NBEA: variants seen among roughly 807,000 people sequenced by gnomAD.
The protein encoded by NBEA is lysosomal-trafficking regulator 2.
A neutral mutation model predicts 343.4 loss-of-function variants in NBEA; 44 were observed. The ratio of observed to expected loss-of-function variants is 0.13; its 90% CI spans 0.10 to 0.16. NBEA has a LOEUF of 0.16. Ranked by LOEUF, NBEA falls within the 10% of genes least tolerant of loss-of-function variation. NBEA has a pLI of 1.00. For synonymous variants in NBEA, 1,175 were observed against 1,238.7 expected, an observed-to-expected ratio of 0.95 and a Z score of 1.08; for missense variants, 2,555 against 3,631.3, an observed-to-expected ratio of 0.70 and a Z score of 7.62.
At chr13:34,956,676 T>C (rs1387809988) in intron 1 of NBEA, among the ~76,000 whole-genome samples, 1 of 152,202 alleles carries the variant, frequency 6.6e-6, no homozygotes, top group East Asian at 1.9e-4. Flanking sequence ...CTCAAAATCT[T>C]CTGGTTATTT....
chr13:35,405,567 G>A (rs2043230028), intron 38 of NBEA, among the ~76,000 whole-genome samples: 1 of 152,088 alleles, frequency 6.6e-6, no homozygotes, highest in Non-Finnish European at 1.5e-5. Flanking sequence ...ATGTGACATA[G>A]CTAATAAGAC....
chr13:35,159,909 T>C lies in NBEA; in HGVS notation c.3738T>C (p.Ser1246=). The change falls in exon 22 of 59, where the codon TCT becomes TCC. Residue 1246 remains serine, a synonymous_variant. Transcript: ENST00000379939. ...CTGCTACAACTCTGGAAACTGAGTC[T>C]TCTAGTAGCAAAATTGTACCAAATA... is the stretch of plus-strand genomic sequence containing the variant. The part of the protein sequence containing the change: ...EMTATTLETE[S]SSSKIVPNID... 6.3e-7 allele frequency: 1 copy of C among 1,597,248 alleles called. No homozygotes were observed. Among genetic ancestry groups the C allele is most frequent in the Non-Finnish European group, 8.5e-7 (1 of 1,171,024 alleles).
At chr13:35,139,744 GT>G (rs36117821) in intron 17 of NBEA, among the ~76,000 whole-genome samples, 2,364 of 60,834 alleles carry the variant, frequency 0.039, 12 homozygotes, top group Non-Finnish European at 0.044. Flanking sequence ...GATGGATGGC[GT>G]TTTTTTTTTT....
At chr13:35,431,285 A>C (rs1212362794) in intron 38 of NBEA, among the ~76,000 whole-genome samples, 1 of 152,152 alleles carries the variant, frequency 6.6e-6, no homozygotes. Context: ...GAAATCTTCT[A>C]GGAAAGTATT....
rs527338338 is a variant in NBEA, at chr13:34,963,995, G to A, written c.294+20881G>A. Among the ~76,000 whole-genome samples, 6 of 151,908 alleles carry A rather than the reference G, an allele frequency of 3.9e-5. No individual in the cohort carries two copies. The South Asian group carries it at 1.2e-3, about 32-fold the overall frequency. Reference sequence around the variant, plus strand: ...TGACTTTGGTAGTTTTATAGATGAGGGAACTAAAGGTTAAAGAAAGTGAAA... The same window carrying A: ...TGACTTTGGTAGTTTTATAGATGAGAGAACTAAAGGTTAAAGAAAGTGAAA... On this transcript the variant is annotated intron_variant, in intron 1 of 58. Coordinates refer to ENST00000379939, the MANE Select transcript of NBEA (RefSeq NM_001385012.1).
chr13:35,560,041 TCTAAGGACTTTATATATA>T (rs891785404), intron 44 of NBEA, among the ~76,000 whole-genome samples: 1 of 152,246 alleles, frequency 6.6e-6, no homozygotes, highest in Non-Finnish European at 1.5e-5. Context: ...CAAACATTGT[TCTAAGGACTTTATATATA>T]TTTGCTCATT....
intron 38 of NBEA, among the ~76,000 whole-genome samples, chr13:35,372,526 A>G (rs531592431): frequency 2.0e-5 from 3 of 152,110 alleles, no homozygotes; most frequent in African/African-American, 7.2e-5. Context: ...GTAGACAGGG[A>G]GGGGTTTTTC....
At chr13:35,421,940 C>A (rs138920658) in intron 38 of NBEA, among the ~76,000 whole-genome samples, 4,503 of 152,132 alleles carry the variant, frequency 0.03, 107 homozygotes, top group Non-Finnish European at 0.045. Flanking sequence ...TTTAGACTTT[C>A]TTTGCCCTCA....
chr13:35,542,453 G>T (rs2078875507), intron 41 of NBEA, among the ~76,000 whole-genome samples: 1 of 151,820 alleles, frequency 6.6e-6, no homozygotes, highest in Admixed American at 6.6e-5. Flanking sequence ...TCAATCTTTT[G>T]GTCCATATTA....
chr13:35,406,605 C>G (rs762350516), intron 38 of NBEA, among the ~76,000 whole-genome samples: 31 of 152,076 alleles, frequency 2.0e-4, no homozygotes, highest in Non-Finnish European at 3.1e-4. Context: ...GTCTCCAATT[C>G]CATCCGGGTT....
At chr13:35,310,461 G>T (rs1300296795) in intron 36 of NBEA, among the ~76,000 whole-genome samples, 1 of 152,090 alleles carries the variant, frequency 6.6e-6, no homozygotes, top group East Asian at 1.9e-4. Flanking sequence ...TTCCTACCAG[G>T]ACTAAAACAC....
intron 47 of NBEA, among the ~76,000 whole-genome samples, chr13:35,604,902 T>C (rs1296388402): frequency 6.6e-6 from 1 of 152,142 alleles, no homozygotes; most frequent in Non-Finnish European, 1.5e-5. Flanking sequence ...AATCCCCTGC[T>C]CTTTCCTCCC....
At chr13:35,210,147 CATG>C (rs1232233739) in intron 32 of NBEA, among the ~76,000 whole-genome samples, 2 of 151,938 alleles carry the variant, frequency 1.3e-5, no homozygotes, top group South Asian at 2.1e-4. Flanking sequence ...TGAGACAAGT[CATG>C]ATGTTTTCTT....
chr13:35,628,016 A>C lies in NBEA; in HGVS notation c.7450-65A>C, dbSNP rs1302047063. 3 of 1,246,140 alleles carry C rather than the reference A, an allele frequency of 2.4e-6. No individual in the cohort carries two copies. The Admixed American group carries it at 8.5e-5, about 35-fold the overall frequency. The allele number at this position is 1,246,140 out of a possible 1,614,324, so 77.2% of individuals were successfully genotyped here. A position where few individuals can be genotyped will look rare whatever the true frequency, so the allele number is the denominator to read the frequency against. On this transcript the variant is annotated intron_variant, in intron 48 of 58. Transcript: ENST00000379939. ...TATATATATTTCAAAGTAAAAAAAA[A>C]ATAAAAGGATATGAAGGTGTACTAA...
chr13:35,577,733 A>C (rs2080814507), intron 45 of NBEA, among the ~76,000 whole-genome samples: 1 of 152,114 alleles, frequency 6.6e-6, no homozygotes, highest in African/African-American at 2.4e-5. Flanking sequence ...TGTAGGTGTG[A>C]GAATAAAGAG....
chr13:34,987,900 T>C (rs1263210834), intron 1 of NBEA, among the ~76,000 whole-genome samples: 1 of 150,990 alleles, frequency 6.6e-6, no homozygotes, highest in African/African-American at 2.4e-5. Context: ...TCATCTAATC[T>C]TTTTTCAAGG....
At chr13:35,624,167 A>G (rs2083123022) in intron 48 of NBEA, among the ~76,000 whole-genome samples, 1 of 152,048 alleles carries the variant, frequency 6.6e-6, no homozygotes, top group South Asian at 2.1e-4. Context: ...TGTTTTACAT[A>G]GTTCTTAAGG....
At chr13:34,958,473 A>AGGTATTGT (rs201772469) in intron 1 of NBEA, among the ~76,000 whole-genome samples, 2,377 of 151,142 alleles carry the variant, frequency 0.016, 68 homozygotes, top group African/African-American at 0.054. Flanking sequence ...TGGTAAAGTC[A>AGGTATTGT]GGCCTGTTAT....
chr13:35,368,284 T>C (rs2041240508), intron 38 of NBEA, among the ~76,000 whole-genome samples: 1 of 151,600 alleles, frequency 6.6e-6, no homozygotes, highest in Non-Finnish European at 1.5e-5. Flanking sequence ...ACATTAAACT[T>C]CAACTGTGGT....
Sources: allele counts gnomAD v4.1 joint callset (sites outside exome capture counted in the v4.1 genomes callset), GRCh38; gene constraint gnomAD v4.1.1; transcripts MANE v1.5; gene names NCBI Gene and HGNC (gene_info 2026-07-23, HGNC 2026-07-21).